The following PAK1 variants were observed in gnomAD, a reference collection of about 807,000 sequenced individuals.
The protein encoded by PAK1 is serine/threonine-protein kinase PAK 1.
In PAK1, 29 loss-of-function variants were observed where a neutral mutation model predicts 67.4. The ratio of observed to expected loss-of-function variants is 0.43; its 90% CI spans 0.32 to 0.59. The LOEUF (loss-of-function observed/expected upper bound fraction) is 0.59, where lower values mean the gene tolerates loss of function less well. Ranked by LOEUF, PAK1 falls within the 20% of genes least tolerant of loss-of-function variation. PAK1 has a pLI of 0.07. For synonymous variants in PAK1, 223 were observed against 237.4 expected (o/e 0.94, Z 0.56); for missense variants, 337 against 670.7 (o/e 0.50, Z 5.50).
chr11:77,526,555 G>T, the PAK1 span, among the ~76,000 whole-genome samples: 3 of 152,184 alleles, frequency 2.0e-5, no homozygotes, highest in Non-Finnish European at 4.4e-5. Flanking sequence ...TATTATATGT[G>T]TGGTTTCATT....
chr11:77,375,290 G>T (rs528768325), intron 4 of PAK1, among the ~76,000 whole-genome samples: 1 of 152,308 alleles, frequency 6.6e-6, no homozygotes, highest in South Asian at 2.1e-4. Flanking sequence ...GAAAAGGAAA[G>T]AATCCATAGC....
At chr11:77,449,968 G>T (rs768586078) in intron 1 of PAK1, among the ~76,000 whole-genome samples, 4 of 152,136 alleles carry the variant, frequency 2.6e-5, no homozygotes, top group Non-Finnish European at 4.4e-5. Context: ...TAGTCATGAA[G>T]ACTTGGTTTC....
chr11:77,465,857 G>A (rs1251498467), intron 1 of PAK1, among the ~76,000 whole-genome samples: 1 of 152,170 alleles, frequency 6.6e-6, no homozygotes, highest in Non-Finnish European at 1.5e-5. Flanking sequence ...ACTAAAGTGA[G>A]ACGATTGCTT....
At chr11:77,527,854 T>A in the PAK1 span, among the ~76,000 whole-genome samples, 4 of 152,246 alleles carry the variant, frequency 2.6e-5, no homozygotes, top group East Asian at 3.9e-4. Flanking sequence ...ATACTTTTTT[T>A]TTTCTTTTTG....
chr11:77,350,903 C>G (rs1945147196), intron 8 of PAK1, among the ~76,000 whole-genome samples: 1 of 152,162 alleles, frequency 6.6e-6, no homozygotes, highest in Non-Finnish European at 1.5e-5. Flanking sequence ...CTATCCCCAT[C>G]CCTTCCTGAT....
chr11:77,436,133 T>C (rs560549330), intron 1 of PAK1, among the ~76,000 whole-genome samples: 37 of 152,218 alleles, frequency 2.4e-4, no homozygotes, highest in Admixed American at 1.3e-3. Flanking sequence ...AATAGGAAGG[T>C]GTTCAGGAGA....
the PAK1 span, among the ~76,000 whole-genome samples, chr11:77,501,154 A>AC: frequency 4.8e-5 from 7 of 147,218 alleles, no homozygotes; most frequent in East Asian, 2.0e-4. Flanking sequence ...CCGTCTCAAA[A>AC]AAAAAAACAA....
intron 8 of PAK1, 83 bp from the exon 9 acceptor site, chr11:77,349,370 AATCTGT>A: frequency 2.0e-6 from 2 of 1,017,088 alleles, no homozygotes; most frequent in Non-Finnish European, 3.0e-6. Context: ...TTCTACACAC[AATCTGT>A]GAGTGTCAAA....
At chr11:77,396,571 A>C (rs1951861212) in intron 1 of PAK1, among the ~76,000 whole-genome samples, 1 of 152,256 alleles carries the variant, frequency 6.6e-6, no homozygotes, top group African/African-American at 2.4e-5. Flanking sequence ...TGAATAAACA[A>C]AGAAAAAACT....
upstream of PAK1, among the ~76,000 whole-genome samples, chr11:77,477,779 C>G (rs1375714370): frequency 6.6e-6 from 1 of 151,934 alleles, no homozygotes; most frequent in Admixed American, 6.6e-5. Context: ...AAACAAGAGG[C>G]TGGGCACAGT....
chr11:77,511,699 C>A, the PAK1 span, among the ~76,000 whole-genome samples: 2 of 152,128 alleles, frequency 1.3e-5, no homozygotes, highest in Admixed American at 6.5e-5. Context: ...AAATTTTTGT[C>A]CCCTAAAACA....
At chr11:77,394,189 T>C (rs1016615987) in intron 1 of PAK1, among the ~76,000 whole-genome samples, 2 of 152,238 alleles carry the variant, frequency 1.3e-5, no homozygotes, top group Admixed American at 1.3e-4. Flanking sequence ...ATTTAAAATA[T>C]AAGCTCTTTG....
intron 11 of PAK1, among the ~76,000 whole-genome samples, chr11:77,337,937 AC>A (rs1942988863): frequency 6.6e-6 from 1 of 152,332 alleles, no homozygotes; most frequent in Admixed American, 6.5e-5. Context: ...CTGGTAGGCA[AC>A]TTAATTTATG....
At chr11:77,349,424 C>G (rs148430426) in intron 8 of PAK1, 137 bp from the exon 9 acceptor site, 1 of 706,380 alleles carries the variant, frequency 1.4e-6, no homozygotes, top group Non-Finnish European at 2.5e-6. Context: ...CCTGCAGCAT[C>G]CATTCTCACA....
chr11:77,380,536 C>G (rs962968074), intron 2 of PAK1, among the ~76,000 whole-genome samples: 18 of 152,008 alleles, frequency 1.2e-4, no homozygotes, highest in African/African-American at 3.9e-4. Context: ...GCAAAAAGAT[C>G]GTCTGTCAGA....
chr11:77,395,998 C>A (rs1244619380), intron 1 of PAK1, among the ~76,000 whole-genome samples: 1 of 152,150 alleles, frequency 6.6e-6, no homozygotes, highest in East Asian at 1.9e-4. Context: ...CCATCTGATA[C>A]CCTAGTCAAG....
Position 77,429,082 on chromosome 11 carries a change from AAAAAAAAAAAAAC to A in PAK1, c.-21-36554_-21-36542del, listed in dbSNP as rs1380636859. 4.0e-3 allele frequency among the ~76,000 whole-genome samples: 477 copies of A among 118,442 alleles called. 15 individuals are homozygous for A. Among genetic ancestry groups the A allele is most frequent in the African/African-American group, 0.02 (443 of 22,186 alleles). The allele number at this position is 118,442 out of a possible 152,430, so 77.7% of individuals were successfully genotyped here. A position where few individuals can be genotyped will look rare whatever the true frequency, so the allele number is the denominator to read the frequency against. On this transcript the variant is annotated intron_variant, in intron 1 of 14. Coordinates refer to ENST00000356341, the MANE Select transcript of PAK1 (RefSeq NM_002576.5). ...AAAAAAAAAAAAAAAAAAAAAAAAA[AAAAAAAAAAAAAC>A]ACACACACACACATCAGGATTCCTT...
intron 7 of PAK1, 26 bp downstream of exon 7, chr11:77,355,642 G>C (rs762060032): frequency 6.3e-7 from 1 of 1,593,072 alleles, no homozygotes; most frequent in East Asian, 2.2e-5. Context: ...AACGAAGAAA[G>C]GTTCAGAAAG....
the PAK1 span, among the ~76,000 whole-genome samples, chr11:77,482,011 T>C: frequency 6.6e-6 from 1 of 152,082 alleles, no homozygotes; most frequent in Non-Finnish European, 1.5e-5. Context: ...TTTTTTGAGA[T>C]GGAGTCTCGC....
Sources: gnomAD v4.1 joint callset for allele counts (sites outside exome capture counted in the v4.1 genomes callset) on GRCh38, gnomAD v4.1.1 for gene constraint, MANE v1.5 for transcripts, NCBI Gene and HGNC (gene_info 2026-07-23, HGNC 2026-07-21) for gene names.